ST18: variants seen among roughly 807,000 people sequenced by gnomAD.
The protein encoded by ST18 is ST18 C2H2C-type zinc finger transcription factor.
Under a neutral mutation model 110.0 loss-of-function variants are expected in ST18, and 50 were observed. That is an observed-to-expected ratio of 0.45 (90% CI 0.36 to 0.58). The LOEUF (loss-of-function observed/expected upper bound fraction) is 0.58, where lower values mean the gene tolerates loss of function less well. ST18 is among the 20% of genes least tolerant of loss of function. The pLI is 0.00. For synonymous variants in ST18, 461 were observed against 452.4 expected, an observed-to-expected ratio of 1.02 and a Z score of -0.24; for missense variants, 1,306 against 1,280.1, an observed-to-expected ratio of 1.02 and a Z score of -0.31.
At chr8:52,138,480 A>G (rs551277930) in intron 17 of ST18, among the ~76,000 whole-genome samples, 4 of 152,288 alleles carry the variant, frequency 2.6e-5, no homozygotes, top group Admixed American at 1.3e-4. Flanking sequence ...GCTACTCAGG[A>G]AACTGAGGCA....
chr8:52,239,050 G>A (rs111234845), intron 2 of ST18, among the ~76,000 whole-genome samples: 1 of 152,102 alleles, frequency 6.6e-6, no homozygotes, highest in African/African-American at 2.4e-5. Flanking sequence ...AAACATGGAT[G>A]AGCCTTGAAA....
chr8:52,321,297 T>C lies in ST18; in HGVS notation c.-465+88031A>G, dbSNP rs112406700. On this transcript the variant is annotated intron_variant, in intron 2 of 25. Coordinates refer to ENST00000689386, the MANE Select transcript of ST18 (RefSeq NM_001352837.2). The stretch of plus-strand genomic sequence containing the variant: ...CATTCAATTTCTTAAGGAAATAAGA[T>C]CTAAAGAAATTTGGCAACATGATAA... Among the ~76,000 whole-genome samples the C allele has an allele frequency of 3.8e-3, 579 of 152,292 alleles. 1 individual carries two copies. The highest frequency in any genetic ancestry group is 0.012 in the African/African-American group (503 of 41,568).
rs965672117 is a variant in ST18, at chr8:52,365,119, A to AT, written c.-465+44208_-465+44209insA. Reference sequence around the variant, plus strand: ...ACAGAGCGAGACTCTGTCTTAAAAAAAAAATAAAGAGAAAGTTCCTTCAGA... The same window carrying AT: ...ACAGAGCGAGACTCTGTCTTAAAAAATAAAATAAAGAGAAAGTTCCTTCAGA... On this transcript the variant is annotated intron_variant, in intron 2 of 25. Coordinates refer to ENST00000689386, the MANE Select transcript of ST18 (RefSeq NM_001352837.2). Among the ~76,000 whole-genome samples the AT allele has an allele frequency of 2.0e-3, 304 of 151,524 alleles. 1 individual carries two copies. Among genetic ancestry groups the AT allele is most frequent in the Middle Eastern group, 0.01 (3 of 292 alleles).
chr8:52,126,183 T>G, intron 22 of ST18, 43 bp from the exon 23 acceptor site: 1 of 1,563,816 alleles, frequency 6.4e-7, no homozygotes, highest in Non-Finnish European at 8.7e-7. Flanking sequence ...ATGTATATGA[T>G]TTCTTATAAA....
intron 2 of ST18, among the ~76,000 whole-genome samples, chr8:52,401,507 A>T (rs1842802006): frequency 6.7e-6 from 1 of 149,482 alleles, no homozygotes; most frequent in African/African-American, 2.5e-5. Context: ...GGCTTTCCTC[A>T]CTCTTTTTTC....
At chr8:52,301,182 T>C (rs1013555512) in intron 2 of ST18, among the ~76,000 whole-genome samples, 2 of 152,208 alleles carry the variant, frequency 1.3e-5, no homozygotes, top group Non-Finnish European at 1.5e-5. Context: ...ACGAGCAGGT[T>C]TCTTCAAATC....
Position 52,212,113 on chromosome 8 carries a change from T to C in ST18, c.56-4A>G. 4 of 1,598,744 alleles carry C rather than the reference T, an allele frequency of 2.5e-6. No homozygotes were observed. The highest frequency in any genetic ancestry group is 3.4e-6 in the Non-Finnish European group (4 of 1,176,802). On this transcript the variant is annotated splice_region_variant and splice_polypyrimidine_tract_variant and intron_variant, in intron 7 of 25. Coordinates refer to ENST00000689386, the MANE Select transcript of ST18 (RefSeq NM_001352837.2). ...TGGATTAGTGAATCCATTGGCACTG[T>C]TGACAAAAGAAGAAAAAAAAGAAGA... is the stretch of plus-strand genomic sequence containing the variant.
intron 22 of ST18, among the ~76,000 whole-genome samples, chr8:52,129,261 T>C (rs2048264447): frequency 6.7e-6 from 1 of 150,318 alleles, no homozygotes; most frequent in Non-Finnish European, 1.5e-5. Context: ...AGTTCAGGAG[T>C]TTGAGAACAG....
intron 24 of ST18, 140 bp downstream of exon 24, chr8:52,118,198 A>G (rs1256753656): frequency 1.7e-6 from 1 of 576,950 alleles, no homozygotes; most frequent in African/African-American, 1.9e-5. Flanking sequence ...GAATTTTACA[A>G]TAATTATGGA....
chr8:52,159,747 G>A (rs567579707), intron 14 of ST18, among the ~76,000 whole-genome samples: 2 of 152,272 alleles, frequency 1.3e-5, no homozygotes, highest in Admixed American at 6.5e-5. Flanking sequence ...GGGCAGGCAG[G>A]AAATGTTCTC....
At chr8:52,130,555 G>A (rs748158545) in intron 22 of ST18, among the ~76,000 whole-genome samples, 4 of 152,198 alleles carry the variant, frequency 2.6e-5, no homozygotes, top group South Asian at 2.1e-4. Context: ...ACAGATCTCC[G>A]GGTTCTCATA....
intron 2 of ST18, among the ~76,000 whole-genome samples, chr8:52,379,102 C>CTTTTTTTTTTT (rs35639924): frequency 6.9e-6 from 1 of 145,668 alleles, no homozygotes. Context: ...TCTTTTCTTT[C>CTTTTTTTTTTT]TTTTTTTTTT....
chr8:52,284,783 G>C (rs946979121), intron 2 of ST18, among the ~76,000 whole-genome samples: 5 of 152,146 alleles, frequency 3.3e-5, no homozygotes, highest in Non-Finnish European at 7.4e-5. Flanking sequence ...CTCTCAGGGG[G>C]ACTGGAGTGA....
Position 52,149,898 on chromosome 8 carries a change from G to T in ST18, c.1886C>A (p.Pro629His). The change falls in exon 16 of 26, where the codon CCC (proline) becomes CAC (histidine). Residue 629 changes from proline (P) to histidine (H), a missense_variant. Transcript: ENST00000689386. ...AATAGAAGTGTTAGAGGAAGTTAGG[G>T]GTGCAGACTTGTCCAGGATTCGATT... ...KKNRILDKSA[P>H]LTSSNTSIPT... 1 of 1,614,098 alleles carries T rather than the reference G, an allele frequency of 6.2e-7. No homozygotes were observed. Among genetic ancestry groups the T allele is most frequent in the South Asian group, 1.1e-5 (1 of 91,080 alleles).
chr8:52,138,093 C>CAAAAAAAAAAA (rs35928892), intron 17 of ST18, among the ~76,000 whole-genome samples: 4 of 59,448 alleles, frequency 6.7e-5, no homozygotes, highest in East Asian at 4.7e-4. Flanking sequence ...AACTCTGTCT[C>CAAAAAAAAAAA]AAAAAAAAAA....
chr8:52,132,211 G>A (rs770323008), intron 21 of ST18, 32 bp from the exon 22 acceptor site: 1 of 1,573,220 alleles, frequency 6.4e-7, no homozygotes, highest in South Asian at 1.1e-5. Context: ...TACCAGCCAG[G>A]AAGAAGGCAG....
At chr8:52,349,024 T>C (rs1261035418) in intron 2 of ST18, among the ~76,000 whole-genome samples, 1 of 152,010 alleles carries the variant, frequency 6.6e-6, no homozygotes, top group East Asian at 1.9e-4. Context: ...CCCCAACCAT[T>C]CTCTAGTCAC....
chr8:52,304,893 A>C (rs1287061122), intron 2 of ST18, among the ~76,000 whole-genome samples: 1 of 152,178 alleles, frequency 6.6e-6, no homozygotes, highest in Non-Finnish European at 1.5e-5. Context: ...CCCATTCATA[A>C]GGGTTCCATC....
chr8:52,206,781 G>T (rs1316384956), intron 8 of ST18: 1 of 152,212 alleles, frequency 6.6e-6, no homozygotes, highest in Non-Finnish European at 1.5e-5. Flanking sequence ...TTGCCAACAT[G>T]ATATAGTAGT....
Sources: gnomAD v4.1 joint callset for allele counts (sites outside exome capture counted in the v4.1 genomes callset) on GRCh38, gnomAD v4.1.1 for gene constraint, MANE v1.5 for transcripts, NCBI Gene and HGNC (gene_info 2026-07-23, HGNC 2026-07-21) for gene names.